NAALADL2: variants seen among roughly 807,000 people sequenced by gnomAD.
NAALADL2 encodes the protein N-acetylated alpha-linked acidic dipeptidase like 2.
Under a neutral mutation model 87.2 loss-of-function variants are expected in NAALADL2, and 76 were observed. That is an observed-to-expected ratio of 0.87 (90% CI 0.72 to 1.05). The LOEUF is 1.05. Among genes scored for constraint, NAALADL2 ranks in the 50% least tolerant of loss-of-function variants. NAALADL2 has a pLI of 0.00. For synonymous variants in NAALADL2, 354 were observed against 331.0 expected, an observed-to-expected ratio of 1.07 and a Z score of -0.75; for missense variants, 1,089 against 945.8, an observed-to-expected ratio of 1.15 and a Z score of -1.99.
chr3:174,495,383 A>G (rs964817511), intron 1 of NAALADL2, among the ~76,000 whole-genome samples: 11 of 152,266 alleles, frequency 7.2e-5, no homozygotes, highest in Admixed American at 6.5e-4. Flanking sequence ...AATTCAGTTC[A>G]AAAAACATTT....
At chr3:174,926,871 T>A (rs1478095853) in intron 1 of NAALADL2, among the ~76,000 whole-genome samples, 1 of 152,150 alleles carries the variant, frequency 6.6e-6, no homozygotes, top group African/African-American at 2.4e-5. Flanking sequence ...ACCTTAAATG[T>A]AAATGGGCTA....
At chr3:174,737,258 C>T (rs1313931265) in intron 2 of NAALADL2, among the ~76,000 whole-genome samples, 1 of 152,232 alleles carries the variant, frequency 6.6e-6, no homozygotes, top group Admixed American at 6.5e-5. Context: ...GCCTTGGCCT[C>T]CCAAAGTGCT....
At chr3:175,017,233 A>T (rs1010489949) in intron 1 of NAALADL2, among the ~76,000 whole-genome samples, 1 of 151,852 alleles carries the variant, frequency 6.6e-6, no homozygotes, top group Non-Finnish European at 1.5e-5. Flanking sequence ...CTTATATAGC[A>T]GATTTGTGCC....
At chr3:175,719,944 G>A (rs1463787224) in intron 11 of NAALADL2, among the ~76,000 whole-genome samples, 2 of 152,090 alleles carry the variant, frequency 1.3e-5, no homozygotes, top group African/African-American at 4.8e-5. Flanking sequence ...CTTTTCTAAG[G>A]ACACTAATCC....
At chr3:174,934,987 G>A (rs1339181197) in intron 1 of NAALADL2, among the ~76,000 whole-genome samples, 1 of 151,492 alleles carries the variant, frequency 6.6e-6, no homozygotes, top group East Asian at 1.9e-4. Flanking sequence ...TTTTAAAAAT[G>A]AATATGGCAA....
chr3:174,818,451 T>C (rs1340725232), intron 3 of NAALADL2, among the ~76,000 whole-genome samples: 1 of 152,312 alleles, frequency 6.6e-6, no homozygotes, highest in East Asian at 1.9e-4. Flanking sequence ...TGAAATCATA[T>C]ATTTTATCTA....
At chr3:175,239,283 A>G (rs1389527406) in intron 3 of NAALADL2, among the ~76,000 whole-genome samples, 1 of 152,228 alleles carries the variant, frequency 6.6e-6, no homozygotes, top group Non-Finnish European at 1.5e-5. Context: ...GGTTAGCTTC[A>G]GGGAATAAAC....
chr3:174,700,906 A>C (rs1729483987), intron 2 of NAALADL2, among the ~76,000 whole-genome samples: 1 of 152,284 alleles, frequency 6.6e-6, no homozygotes, highest in South Asian at 2.1e-4. Context: ...AGGCTCAGCA[A>C]GTGCAATGGT....
chr3:174,519,895 G>A (rs985745765), intron 1 of NAALADL2, among the ~76,000 whole-genome samples: 29 of 152,024 alleles, frequency 1.9e-4, no homozygotes, highest in African/African-American at 6.0e-4. Context: ...ATACTGAATG[G>A]GAAAAAGTTG....
intron 13 of NAALADL2, among the ~76,000 whole-genome samples, chr3:175,788,086 C>T (rs114875074): frequency 0.01 from 1,395 of 136,410 alleles, 21 homozygotes; most frequent in African/African-American, 0.038. Flanking sequence ...AGTTTTTTAC[C>T]TGTTTTTTTT....
Position 174,975,908 on chromosome 3 carries a change from G to A in NAALADL2, c.43+116458G>A, listed in dbSNP as rs79407143. On this transcript the variant is annotated intron_variant, in intron 1 of 13. Transcript: ENST00000454872. ...TAAGTCCAAATGAGAAACTTAGTGT[G>A]TCTAACACCTTGATTTTAAATTTGT... Among the ~76,000 whole-genome samples, 1,067 of 152,286 alleles carry A rather than the reference G, an allele frequency of 7.0e-3. 11 individuals carry two copies. The highest frequency in any genetic ancestry group is 0.025 in the African/African-American group (1,033 of 41,568).
intron 2 of NAALADL2, among the ~76,000 whole-genome samples, chr3:175,197,204 T>C (rs1045113041): frequency 3.9e-5 from 6 of 152,038 alleles, no homozygotes; most frequent in African/African-American, 7.2e-5. Context: ...TCTGCAGCTA[T>C]GGTTTAAGTC....
At chr3:175,611,635 C>T (rs536381770) in intron 10 of NAALADL2, among the ~76,000 whole-genome samples, 25 of 151,998 alleles carry the variant, frequency 1.6e-4, no homozygotes, top group Admixed American at 1.4e-3. Flanking sequence ...TGGAGAAAAT[C>T]GAGATAACTG....
chr3:175,005,560 A>T (rs1214528159), intron 1 of NAALADL2, among the ~76,000 whole-genome samples: 1 of 152,168 alleles, frequency 6.6e-6, no homozygotes, highest in Non-Finnish European at 1.5e-5. Context: ...TAAACAATAA[A>T]ATATTGTAAG....
At chr3:175,381,898 C>T (rs1767832102) in intron 5 of NAALADL2, among the ~76,000 whole-genome samples, 1 of 152,134 alleles carries the variant, frequency 6.6e-6, no homozygotes, top group Admixed American at 6.5e-5. Context: ...TTGATGCCAC[C>T]TGTCAGTGTG....
chr3:174,839,627 C>T (rs1299559414), intron 3 of NAALADL2, among the ~76,000 whole-genome samples: 3 of 151,708 alleles, frequency 2.0e-5, no homozygotes, highest in African/African-American at 7.3e-5. Flanking sequence ...GAATCTATAA[C>T]TAACTCAAAA....
intron 12 of NAALADL2, among the ~76,000 whole-genome samples, chr3:175,742,510 GC>G (rs1390543932): frequency 1.5e-5 from 2 of 131,742 alleles, no homozygotes; most frequent in Non-Finnish European, 3.3e-5. Context: ...CCATTCTCCT[GC>G]CTCAGCCTCC....
Position 174,499,966 on chromosome 3 carries a change from T to C in NAALADL2, c.-183-50603T>C, listed in dbSNP as rs185561105. ...AGTTTTTAAATTTCTGTAAAAATCCTTCTGGGATTTTTTTCAGGATATGTT... is the reference window on the plus strand; with the variant it reads ...AGTTTTTAAATTTCTGTAAAAATCCCTCTGGGATTTTTTTCAGGATATGTT... On this transcript the variant is annotated intron_variant, in intron 1 of 3. Transcript: ENST00000434257. 8.5e-4 allele frequency among the ~76,000 whole-genome samples: 129 copies of C among 152,262 alleles called. 3 individuals carry two copies. The East Asian group carries it at 0.016, about 18-fold the overall frequency.
At chr3:174,590,520 G>T (rs1206905463) in intron 2 of NAALADL2, among the ~76,000 whole-genome samples, 1 of 151,946 alleles carries the variant, frequency 6.6e-6, no homozygotes, top group Non-Finnish European at 1.5e-5. Flanking sequence ...GATAGATTTT[G>T]TCCCTCTTAT....
Sources: gnomAD v4.1 joint callset for allele counts (sites outside exome capture counted in the v4.1 genomes callset) on GRCh38, gnomAD v4.1.1 for gene constraint, MANE v1.5 for transcripts, NCBI Gene and HGNC (gene_info 2026-07-23, HGNC 2026-07-21) for gene names.